The following ATP9B variants were observed in gnomAD, a reference collection of about 807,000 sequenced individuals.
ATP9B encodes the protein probable phospholipid-transporting ATPase IIB.
In ATP9B, 110 loss-of-function variants were observed where a neutral mutation model predicts 146.1. The observed-to-expected ratio is 0.75, with a 90% CI of 0.65 to 0.88. The LOEUF is 0.88. ATP9B is among the 40% of genes least tolerant of loss of function. ATP9B has a pLI of 0.00. For missense variants in ATP9B, 1,499 were observed against 1,496.4 expected, an observed-to-expected ratio of 1.00 and a Z score of -0.03; for synonymous variants, 604 against 569.7, an observed-to-expected ratio of 1.06 and a Z score of -0.86.
intron 6 of ATP9B, chr18:79,144,920 GT>G: frequency 5.7e-6 from 1 of 175,596 alleles, no homozygotes; most frequent in Non-Finnish European, 1.2e-5. Context: ...AAAAGAAGAA[GT>G]TTAGATCAGT....
At chr18:79,206,763 T>C (rs2148344537) in intron 9 of ATP9B, among the ~76,000 whole-genome samples, 174 bp from the exon 10 acceptor site, 1 of 152,208 alleles carries the variant, frequency 6.6e-6, no homozygotes, top group East Asian at 1.9e-4. Flanking sequence ...TTCTTTGAAC[T>C]TGTACTTTCA....
intron 23 of ATP9B, among the ~76,000 whole-genome samples, chr18:79,346,694 G>A (rs1019929086): frequency 6.6e-6 from 1 of 151,850 alleles, no homozygotes; most frequent in Non-Finnish European, 1.5e-5. Context: ...GCACACACTC[G>A]GTCAGCGCAC....
intron 6 of ATP9B, among the ~76,000 whole-genome samples, chr18:79,150,501 T>C (rs2094671276): frequency 6.6e-6 from 1 of 152,198 alleles, no homozygotes; most frequent in South Asian, 2.1e-4. Context: ...GAAGTAGCTG[T>C]GCGTTCACAC....
intron 3 of ATP9B, among the ~76,000 whole-genome samples, chr18:79,113,033 A>T (rs2094001789): frequency 6.6e-6 from 1 of 152,190 alleles, no homozygotes; most frequent in Non-Finnish European, 1.5e-5. Flanking sequence ...GTTTATTTAA[A>T]ATATATTTTG....
chr18:79,218,820 C>A (rs1490719312), intron 11 of ATP9B, among the ~76,000 whole-genome samples: 1 of 152,176 alleles, frequency 6.6e-6, no homozygotes, highest in Non-Finnish European at 1.5e-5. Flanking sequence ...TTGGCCAGAA[C>A]AATTAAAAGG....
At chr18:79,233,479 A>G (rs1396853621) in intron 11 of ATP9B, among the ~76,000 whole-genome samples, 1 of 152,210 alleles carries the variant, frequency 6.6e-6, no homozygotes, top group Non-Finnish European at 1.5e-5. Flanking sequence ...TCAAACTACA[A>G]AAACACTGAA....
chr18:79,125,099 G>A (rs147716114), intron 4 of ATP9B, among the ~76,000 whole-genome samples: 5 of 152,302 alleles, frequency 3.3e-5, no homozygotes, highest in Middle Eastern at 3.4e-3. Context: ...TTAGTCAAGT[G>A]GTGGAAGGAA....
intron 1 of ATP9B, among the ~76,000 whole-genome samples, chr18:79,077,793 A>G (rs2072793906): frequency 6.6e-6 from 1 of 152,224 alleles, no homozygotes; most frequent in Non-Finnish European, 1.5e-5. Flanking sequence ...CTGTAAGGAA[A>G]GTAACTTTGA....
intron 4 of ATP9B, among the ~76,000 whole-genome samples, chr18:79,119,123 CAAT>C (rs960893681): frequency 2.0e-5 from 3 of 148,260 alleles, no homozygotes; most frequent in African/African-American, 7.4e-5. Context: ...TTAACTTAAA[CAAT>C]GATGGTCTGA....
At chr18:79,175,071 C>T (rs1471460327) in intron 7 of ATP9B, among the ~76,000 whole-genome samples, 2 of 151,764 alleles carry the variant, frequency 1.3e-5, no homozygotes, top group African/African-American at 4.8e-5. Flanking sequence ...CATGGTGGCA[C>T]GCATCTGTAG....
chr18:79,106,312 G>A (rs1164531636), intron 2 of ATP9B, among the ~76,000 whole-genome samples: 1 of 152,152 alleles, frequency 6.6e-6, no homozygotes, highest in East Asian at 1.9e-4. Flanking sequence ...TTGCCAGTAT[G>A]CTTTCCTCAC....
chr18:79,103,795 T>A (rs1599569091), intron 2 of ATP9B, among the ~76,000 whole-genome samples: 1 of 152,136 alleles, frequency 6.6e-6, no homozygotes, highest in African/African-American at 2.4e-5. Context: ...AGAGCCTGGG[T>A]GATGACAGAG....
chr18:79,132,047 C>T (rs1439791938), intron 5 of ATP9B, among the ~76,000 whole-genome samples: 1 of 152,198 alleles, frequency 6.6e-6, no homozygotes, highest in Non-Finnish European at 1.5e-5. Context: ...GTTGGTCGCA[C>T]TGCATTGTGA....
intron 11 of ATP9B, among the ~76,000 whole-genome samples, chr18:79,221,843 C>T (rs1306404946): frequency 1.4e-5 from 2 of 144,042 alleles, no homozygotes; most frequent in African/African-American, 2.6e-5. Context: ...TAGTTCTCCT[C>T]AGCTAACATC....
At chr18:79,283,647 C>T (rs865957665) in intron 13 of ATP9B, among the ~76,000 whole-genome samples, 2 of 152,360 alleles carry the variant, frequency 1.3e-5, no homozygotes, top group African/African-American at 2.4e-5. Context: ...AGTGACACAT[C>T]TGTGGCCACC....
chr18:79,189,208 G>A (rs1420976963), intron 8 of ATP9B, among the ~76,000 whole-genome samples: 1 of 151,998 alleles, frequency 6.6e-6, no homozygotes, highest in Non-Finnish European at 1.5e-5. Flanking sequence ...TCATCCGGGC[G>A]TGGTGGTGTG....
chr18:79,320,142 A>T (rs2096707048), intron 15 of ATP9B, among the ~76,000 whole-genome samples: 1 of 152,120 alleles, frequency 6.6e-6, no homozygotes, highest in Non-Finnish European at 1.5e-5. Context: ...TAAATAGGAG[A>T]TCTTTTAGCT....
chr18:79,261,473 C>T (rs922475143), intron 12 of ATP9B, among the ~76,000 whole-genome samples: 8 of 152,052 alleles, frequency 5.3e-5, no homozygotes, highest in South Asian at 2.1e-4. Flanking sequence ...GATTCCTCTA[C>T]GAGCCAGGGC....
chr18:79,184,993 AC>A (rs1307867679), intron 8 of ATP9B, among the ~76,000 whole-genome samples: 5 of 147,462 alleles, frequency 3.4e-5, no homozygotes, highest in African/African-American at 1.3e-4. Context: ...AAAAAAAAAA[AC>A]CCAAAAAATC....
Sources: allele counts gnomAD v4.1 joint callset (sites outside exome capture counted in the v4.1 genomes callset), GRCh38; gene constraint gnomAD v4.1.1; transcripts MANE v1.5; gene names NCBI Gene and HGNC (gene_info 2026-07-23, HGNC 2026-07-21).